SYN2: variants seen among roughly 807,000 people sequenced by gnomAD.
The protein encoded by SYN2 is synapsin-2.
In SYN2, 19 loss-of-function variants were observed where a neutral mutation model predicts 50.9. The observed-to-expected ratio is 0.37, with a 90% CI of 0.26 to 0.55. The LOEUF is 0.55. Among genes scored for constraint, SYN2 ranks in the 20% least tolerant of loss-of-function variants. The pLI is 0.81. For missense variants in SYN2, 587 were observed against 576.4 expected (o/e 1.02, Z -0.19); for synonymous variants, 255 against 224.9 (o/e 1.13, Z -1.20).
chr3:12,070,047 G>A (rs1442743962), intron 1 of SYN2: 4 of 209,836 alleles, frequency 1.9e-5, no homozygotes, highest in African/African-American at 2.4e-5. Context: ...TGATCCTCCC[G>A]CCTTGGCCTC....
intron 1 of SYN2, among the ~76,000 whole-genome samples, chr3:12,089,421 G>A (rs1486563545): frequency 6.6e-6 from 1 of 152,164 alleles, no homozygotes; most frequent in Non-Finnish European, 1.5e-5. Context: ...GTCCCTCCCA[G>A]GACACATGGG....
At chr3:12,183,422 A>G in intron 11 of SYN2, 50 bp downstream of exon 11, 1 of 1,612,260 alleles carries the variant, frequency 6.2e-7, no homozygotes, top group East Asian at 2.2e-5. Flanking sequence ...TAGGGCCAAA[A>G]CAAGTCCAAG....
chr3:12,190,613 C>G lies in SYN2; in HGVS notation c.1737C>G (p.Leu579=). 6.2e-7 allele frequency: 1 copy of G among 1,613,280 alleles called. No individual in the cohort carries two copies. The highest frequency in any genetic ancestry group is 1.1e-5 in the South Asian group (1 of 90,918). Residue 579 remains leucine (L), a synonymous_variant, in exon 13 of 13, where the codon CTC becomes CTG. Coordinates refer to ENST00000621198, the MANE Select transcript of SYN2 (RefSeq NM_133625.6). ...IRSLRKSFAS[L]FSD The stretch of plus-strand genomic sequence containing the variant: ...GCTTGAGGAAGTCCTTTGCCAGCCT[C>G]TTTTCAGATTAGCTCTTCAGACACA...
chr3:12,082,758 T>C (rs1005974225), intron 1 of SYN2, among the ~76,000 whole-genome samples: 11 of 152,200 alleles, frequency 7.2e-5, no homozygotes, highest in Admixed American at 4.6e-4. Context: ...TGTGTTACTC[T>C]TTTATTATAC....
chr3:12,006,629 T>G (rs572358496), intron 1 of SYN2, among the ~76,000 whole-genome samples: 4 of 152,342 alleles, frequency 2.6e-5, no homozygotes, highest in Admixed American at 2.6e-4. Context: ...TAGGCCTGTT[T>G]GACTCCACTG....
At chr3:12,077,765 G>A (rs1695503039) in intron 1 of SYN2, among the ~76,000 whole-genome samples, 1 of 152,142 alleles carries the variant, frequency 6.6e-6, no homozygotes, top group Admixed American at 6.6e-5. Context: ...ATTGTGAATA[G>A]TGTTGCAATG....
chr3:12,142,840 G>T (rs1028903981), intron 3 of SYN2, among the ~76,000 whole-genome samples: 1 of 152,148 alleles, frequency 6.6e-6, no homozygotes, highest in Non-Finnish European at 1.5e-5. Context: ...AACCTGACAG[G>T]CTTCCAGTGT....
chr3:12,139,764 C>T (rs1055140779), intron 1 of SYN2, among the ~76,000 whole-genome samples: 1 of 152,138 alleles, frequency 6.6e-6, no homozygotes. Flanking sequence ...CTCAACTTAC[C>T]TAACAGGTAG....
intron 1 of SYN2, among the ~76,000 whole-genome samples, chr3:12,042,131 C>T (rs546694575): frequency 9.9e-5 from 15 of 152,262 alleles, no homozygotes; most frequent in African/African-American, 3.4e-4. Context: ...CTTATTTCCC[C>T]ATGGAATTTA....
rs75781718 is a variant in SYN2 at position 12,183,392 on chromosome 3, C to T, written c.1369+20C>T. The T allele has an allele frequency of 4.1e-4, 660 of 1,613,814 alleles. 2 individuals carry two copies. In the African/African-American group the frequency reaches 7.8e-3, roughly 19 times the overall value. The stretch of plus-strand genomic sequence containing the variant: ...CTCAAGGTTGTTTACAGTATATTCT[C>T]GACTGTAATGGCATTGCAGTAGGGC... On this transcript the variant is annotated intron_variant, in intron 11 of 12. Coordinates refer to ENST00000621198, the MANE Select transcript of SYN2 (RefSeq NM_133625.6).
At chr3:12,132,296 A>G (rs1696813397) in intron 1 of SYN2, among the ~76,000 whole-genome samples, 1 of 152,202 alleles carries the variant, frequency 6.6e-6, no homozygotes, top group Non-Finnish European at 1.5e-5. Flanking sequence ...CACCTAAGGA[A>G]GTATATGGTC....
intron 5 of SYN2, among the ~76,000 whole-genome samples, chr3:12,159,968 A>C (rs308951): frequency 0.66 from 97,558 of 148,138 alleles, 33,961 homozygotes; most frequent in South Asian, 0.8. Context: ...GCTTGAACCC[A>C]GGAGGCGGAG....
intron 5 of SYN2, chr3:12,158,725 T>C: frequency 6.2e-7 from 1 of 1,610,068 alleles, no homozygotes; most frequent in Non-Finnish European, 8.5e-7. Context: ...GCAGATGTGC[T>C]GCTGAGGGTG....
chr3:12,035,238 C>T (rs553431551), intron 1 of SYN2, among the ~76,000 whole-genome samples: 4 of 152,334 alleles, frequency 2.6e-5, no homozygotes, highest in South Asian at 4.1e-4. Context: ...ACTGGGCCCA[C>T]AAGGCCTCAA....
At chr3:12,148,735 A>G (rs1381702860) in intron 4 of SYN2, 2 of 152,216 alleles carry the variant, frequency 1.3e-5, no homozygotes, top group South Asian at 4.1e-4. Flanking sequence ...CCAGAGTTAA[A>G]TTAAATCATT....
At chr3:12,026,043 T>C (rs1391102523) in intron 1 of SYN2, among the ~76,000 whole-genome samples, 1 of 152,240 alleles carries the variant, frequency 6.6e-6, no homozygotes, top group Non-Finnish European at 1.5e-5. Flanking sequence ...TAAATTGTTG[T>C]ATGACCTTGA....
chr3:12,067,687 C>T (rs1299317989), intron 1 of SYN2, among the ~76,000 whole-genome samples: 5 of 151,676 alleles, frequency 3.3e-5, no homozygotes, highest in African/African-American at 4.8e-5. Context: ...TGGTTCATTT[C>T]CTAGAAATAT....
intron 4 of SYN2, chr3:12,148,723 C>G (rs1028770428): frequency 6.6e-6 from 1 of 152,186 alleles, no homozygotes; most frequent in Non-Finnish European, 1.5e-5. Context: ...GAGATAAGTG[C>G]ACCAGAGTTA....
At chr3:12,132,844 C>A (rs1400520008) in intron 1 of SYN2, among the ~76,000 whole-genome samples, 1 of 152,158 alleles carries the variant, frequency 6.6e-6, no homozygotes, top group Non-Finnish European at 1.5e-5. Flanking sequence ...TTGCCTGTTA[C>A]AGCTCACAGG....
Sources: allele counts gnomAD v4.1 joint callset (sites outside exome capture counted in the v4.1 genomes callset), GRCh38; gene constraint gnomAD v4.1.1; transcripts MANE v1.5; gene names NCBI Gene and HGNC (gene_info 2026-07-23, HGNC 2026-07-21).